The following SYNRG variants were observed in gnomAD, a reference collection of about 807,000 sequenced individuals.
The protein encoded by SYNRG is synergin gamma.
In SYNRG, 37 loss-of-function variants were observed where a neutral mutation model predicts 130.9. That is an observed-to-expected ratio of 0.28 (90% CI 0.22 to 0.37). SYNRG has a LOEUF of 0.37. SYNRG is among the 10% of genes least tolerant of loss of function. The pLI is 1.00. For missense variants in SYNRG, 1,338 were observed against 1,588.9 expected, an observed-to-expected ratio of 0.84 and a Z score of 2.68; for synonymous variants, 539 against 568.1, an observed-to-expected ratio of 0.95 and a Z score of 0.73.
chr17:37,549,324 T>G (rs187826956), intron 14 of SYNRG, among the ~76,000 whole-genome samples: 36 of 152,284 alleles, frequency 2.4e-4, no homozygotes, highest in Non-Finnish European at 4.7e-4. Flanking sequence ...TCTCAAGGTT[T>G]TTTTACTGTT....
intron 6 of SYNRG, among the ~76,000 whole-genome samples, chr17:37,582,779 T>C (rs552806630): frequency 3.3e-5 from 5 of 152,238 alleles, no homozygotes; most frequent in Admixed American, 6.5e-5. Context: ...TAGGATTGTC[T>C]GAGCCTGGGG....
chr17:37,540,388 C>A lies in SYNRG; in HGVS notation c.3358G>T (p.Glu1120Ter). 6.2e-7 allele frequency: 1 copy of A among 1,613,734 alleles called. No homozygotes were observed. The highest frequency in any genetic ancestry group is 8.5e-7 in the Non-Finnish European group (1 of 1,179,824). The change falls in exon 16 of 22, where the codon GAG (glutamate) becomes TAG (stop). Residue 1120 changes from glutamate to a stop codon, truncating the protein, a stop_gained. Transcript: ENST00000612223. LOFTEE classifies it high-confidence loss of function. ...IRDKYKDLTG[E>*]VEENERYAYE... The stretch of plus-strand genomic sequence containing the variant: ...GAAAGCTCTCCTCTCACCTCCACCT[C>A]TCCCGTCAGGTCTTTGTACTTGTCT...
At chr17:37,550,353 T>C (rs1401351534) in intron 14 of SYNRG, among the ~76,000 whole-genome samples, 1 of 152,194 alleles carries the variant, frequency 6.6e-6, no homozygotes, top group Non-Finnish European at 1.5e-5. Flanking sequence ...AATGTACCAA[T>C]ACTTTCTCAG....
intron 3 of SYNRG, among the ~76,000 whole-genome samples, chr17:37,589,250 CTA>C (rs1283274500): frequency 6.6e-6 from 1 of 152,136 alleles, no homozygotes; most frequent in Non-Finnish European, 1.5e-5. Flanking sequence ...CACGAATCAG[CTA>C]TAATTCTGTA....
intron 6 of SYNRG, chr17:37,579,571 T>C (rs889049617): frequency 3.7e-5 from 23 of 621,186 alleles, no homozygotes; most frequent in African/African-American, 1.2e-4. Context: ...CAAGTAACAA[T>C]AGTCAAATGG....
chr17:37,586,057 G>C (rs1458846713), intron 4 of SYNRG, among the ~76,000 whole-genome samples: 1 of 152,200 alleles, frequency 6.6e-6, no homozygotes, highest in Non-Finnish European at 1.5e-5. Context: ...ACCGTGGCAT[G>C]ATCACGGCTG....
intron 15 of SYNRG, 112 bp downstream of exon 15, chr17:37,541,860 T>G: frequency 9.6e-7 from 1 of 1,039,496 alleles, no homozygotes; most frequent in Non-Finnish European, 1.4e-6. Context: ...TTTCAAAGAT[T>G]AGAACAATCT....
chr17:37,541,197 T>A (rs1341418593), intron 15 of SYNRG: 1 of 985,374 alleles, frequency 1.0e-6, no homozygotes, highest in Admixed American at 6.2e-5. Context: ...AGTCATTTGT[T>A]ATGGATTTGT....
intron 19 of SYNRG, among the ~76,000 whole-genome samples, chr17:37,526,417 C>T (rs558731297): frequency 2.6e-5 from 4 of 152,352 alleles, no homozygotes; most frequent in African/African-American, 9.6e-5. Context: ...GTGATCTAGA[C>T]ACAGGTTCCA....
chr17:37,540,430 C>A lies in SYNRG; in HGVS notation c.3316G>T (p.Ala1106Ser), dbSNP rs764949975. Residue 1106 changes from alanine (A) to serine (S), a missense_variant, in exon 16 of 22, where the codon GCC becomes TCC. Ala to Ser is a moderately conservative substitution (Grantham distance 99). Coordinates refer to ENST00000612223, the MANE Select transcript of SYNRG (RefSeq NM_007247.6). ...TACTTGTCTCGGATGACGGGCAGGG[C>A]GGGCTTCTCATTCAGAGTATTGGAA... ...DRSNTLNEKP[A>S]LPVIRDKYKD... The A allele has an allele frequency of 1.9e-6, 3 of 1,613,720 alleles. No homozygotes were observed. The highest frequency in any genetic ancestry group is 3.3e-5 in the Admixed American group (2 of 59,960).
intron 8 of SYNRG, among the ~76,000 whole-genome samples, chr17:37,572,543 G>A (rs373206093): frequency 1.3e-5 from 2 of 152,202 alleles, no homozygotes; most frequent in African/African-American, 4.8e-5. Flanking sequence ...GTAAGACAAA[G>A]TCTTATAATT....
At position 37,553,984 on chromosome 17, in the gene SYNRG, G is replaced by A; in HGVS notation, c.1739C>T (p.Ser580Leu). Residue 580 changes from serine to leucine, a missense_variant, in exon 14 of 22, where the codon TCA becomes TTA. Physicochemically the swap from Ser to Leu is moderately radical, Grantham distance 145. Transcript: ENST00000612223. ...GTCTTTTGTTGGTGGCTCTAGTGGT[G>A]ATACACTATCGGCTGTTTTAAAATC... ...FTDFKTADSVSPLEPPTKDKT... is the reference protein window; with the variant it reads ...FTDFKTADSVLPLEPPTKDKT... 2 of 1,610,988 alleles carry A rather than the reference G, an allele frequency of 1.2e-6. No homozygotes were observed. Among genetic ancestry groups the A allele is most frequent in the Non-Finnish European group, 1.7e-6 (2 of 1,179,374 alleles).
At chr17:37,598,340 G>T (rs979647378) in intron 2 of SYNRG, among the ~76,000 whole-genome samples, 3 of 152,134 alleles carry the variant, frequency 2.0e-5, no homozygotes, top group African/African-American at 7.2e-5. Context: ...GCAGATGTTT[G>T]GGAAAAATAT....
At chr17:37,579,036 A>C in intron 6 of SYNRG, 2 of 886,174 alleles carry the variant, frequency 2.3e-6, no homozygotes, top group Middle Eastern at 6.8e-4. Context: ...GTGCATGTTT[A>C]TTTGCCAACA....
At chr17:37,572,838 C>T (rs2146060037) in intron 8 of SYNRG, among the ~76,000 whole-genome samples, 1 of 152,134 alleles carries the variant, frequency 6.6e-6, no homozygotes, top group Admixed American at 6.5e-5. Context: ...ATGGGTTTTC[C>T]AAAGGACCAA....
chr17:37,519,106 G>A, intron 21 of SYNRG, 35 bp from the exon 22 acceptor site: 1 of 1,604,010 alleles, frequency 6.2e-7, no homozygotes, highest in Non-Finnish European at 8.5e-7. Flanking sequence ...GGGCAAGTCA[G>A]GCTTTTTCTG....
At chr17:37,585,988 A>C (rs2061662811) in intron 4 of SYNRG, among the ~76,000 whole-genome samples, 1 of 152,132 alleles carries the variant, frequency 6.6e-6, no homozygotes, top group Non-Finnish European at 1.5e-5. Context: ...TGGTAGTTTA[A>C]AGAGGCTTTT....
At chr17:37,537,086 C>T (rs2057260809) in intron 18 of SYNRG, 1 of 152,208 alleles carries the variant, frequency 6.6e-6, no homozygotes, top group Admixed American at 6.5e-5. Context: ...GACAGGTGCC[C>T]CATTTCCTGG....
intron 14 of SYNRG, among the ~76,000 whole-genome samples, chr17:37,544,609 C>T (rs2058101459): frequency 1.3e-5 from 2 of 152,098 alleles, no homozygotes; most frequent in Admixed American, 1.3e-4. Flanking sequence ...GCCATTGTGC[C>T]TGGCCTCAGG....
Sources: allele counts gnomAD v4.1 joint callset (sites outside exome capture counted in the v4.1 genomes callset), GRCh38; gene constraint gnomAD v4.1.1; transcripts MANE v1.5; gene names NCBI Gene and HGNC (gene_info 2026-07-23, HGNC 2026-07-21).